Variants in FDFT1 observed in about 807,000 individuals in gnomAD.
FDFT1 encodes squalene synthase.
A neutral mutation model predicts 46.8 loss-of-function variants in FDFT1; 68 were observed. That is an observed-to-expected ratio of 1.45 (90% CI 1.19 to 1.78). The LOEUF (loss-of-function observed/expected upper bound fraction) is 1.78, where lower values mean the gene tolerates loss of function less well. FDFT1 is among the 40% of genes most tolerant of loss of function. FDFT1 has a pLI of 0.00. For missense variants in FDFT1, 928 were observed against 524.4 expected (o/e 1.77, Z -7.52); for synonymous variants, 351 against 185.1 (o/e 1.90, Z -7.28).
At chr8:11,807,462 C>G (rs963498160) in intron 1 of FDFT1, among the ~76,000 whole-genome samples, 3 of 152,206 alleles carry the variant, frequency 2.0e-5, no homozygotes, top group African/African-American at 7.2e-5. Flanking sequence ...TGCACCCGGC[C>G]CTGTTGGATA....
chr8:11,821,055 C>G (rs74757243), intron 3 of FDFT1, among the ~76,000 whole-genome samples: 2,890 of 152,292 alleles, frequency 0.019, 43 homozygotes, highest in Middle Eastern at 0.048. Context: ...TCCCCAGTGC[C>G]TAGAATGATA....
intron 7 of FDFT1, among the ~76,000 whole-genome samples, chr8:11,832,092 A>T (rs2130881502): frequency 6.6e-6 from 1 of 152,308 alleles, no homozygotes; most frequent in South Asian, 2.1e-4. Context: ...ATTATGCCAC[A>T]GGCCTCAATT....
upstream of FDFT1, chr8:11,802,629 C>T: frequency 1.7e-6 from 1 of 594,426 alleles, no homozygotes; most frequent in Non-Finnish European, 3.0e-6. Flanking sequence ...CCCGTCAGCC[C>T]ACCCCACGAG....
At chr8:11,827,098 TG>T in intron 5 of FDFT1, among the ~76,000 whole-genome samples, 1 of 152,238 alleles carries the variant, frequency 6.6e-6, no homozygotes, top group Non-Finnish European at 1.5e-5. Context: ...GAAAATTTTA[TG>T]ACTGTTCCCT....
intron 1 of FDFT1, among the ~76,000 whole-genome samples, chr8:11,805,932 C>A (rs1203401064): frequency 6.6e-6 from 1 of 152,170 alleles, no homozygotes; most frequent in Non-Finnish European, 1.5e-5. Flanking sequence ...GTGATGTCCG[C>A]ATTGTGCTTG....
At chr8:11,831,020 T>C (rs950616200) in intron 6 of FDFT1, among the ~76,000 whole-genome samples, 8 of 152,244 alleles carry the variant, frequency 5.3e-5, no homozygotes, top group East Asian at 3.8e-4. Flanking sequence ...CGCCGTCTTA[T>C]GTTTCCATTT....
intron 3 of FDFT1, among the ~76,000 whole-genome samples, chr8:11,818,694 T>C (rs1233124721): frequency 6.6e-6 from 1 of 152,198 alleles, no homozygotes. Flanking sequence ...CCCTGCTTTT[T>C]TTTTTCGCTT....
chr8:11,838,040 G>T (rs901068000), intron 7 of FDFT1, among the ~76,000 whole-genome samples: 11 of 152,304 alleles, frequency 7.2e-5, no homozygotes, highest in Middle Eastern at 3.4e-3. Flanking sequence ...ATGTTAGTCT[G>T]TGCCTGTCTA....
At chr8:11,802,626 G>T (rs927376435), upstream of FDFT1, 6 of 593,816 alleles carry the variant, frequency 1.0e-5, no homozygotes, top group Non-Finnish European at 1.8e-5. Flanking sequence ...GCGCCCGTCA[G>T]CCCACCCCAC....
upstream of FDFT1, among the ~76,000 whole-genome samples, chr8:11,800,378 T>C (rs139008825): frequency 3.0e-3 from 444 of 148,786 alleles, 3 homozygotes; most frequent in African/African-American, 0.01. Flanking sequence ...CATGGGAGTA[T>C]ACCAAACAAA....
intron 1 of FDFT1, chr8:11,808,250 C>A (rs905261072): frequency 2.7e-5 from 32 of 1,205,340 alleles, no homozygotes; most frequent in African/African-American, 3.1e-5. Flanking sequence ...TAGGGAGACT[C>A]TGTCACTGGG....
chr8:11,830,043 T>C (rs187975687), intron 5 of FDFT1, among the ~76,000 whole-genome samples: 95 of 152,272 alleles, frequency 6.2e-4, no homozygotes, highest in African/African-American at 2.3e-3. Flanking sequence ...ACACAGGGTT[T>C]CACCACCTTG....
In FDFT1 at chr8:11,814,628, T is replaced by G. The variant is rs926017226; in HGVS notation, c.381+4778T>G. Among the ~76,000 whole-genome samples, 4 of 152,226 alleles carry G rather than the reference T, an allele frequency of 2.6e-5. No homozygotes were observed. The East Asian group carries it at 7.7e-4, about 29-fold the overall frequency. Reference sequence around the variant, plus strand: ...TTCTTTGAACTTAAAACAAGATATTTGGGCAGTAACAATAAATTTTAAAAA... The same window carrying G: ...TTCTTTGAACTTAAAACAAGATATTGGGGCAGTAACAATAAATTTTAAAAA... On this transcript the variant is annotated intron_variant, in intron 3 of 7. Coordinates refer to ENST00000220584, the MANE Select transcript of FDFT1 (RefSeq NM_004462.5).
In FDFT1 at chr8:11,805,478, T is replaced by C. The variant is rs116396564; in HGVS notation, c.99+2547T>C. On this transcript the variant is annotated intron_variant, in intron 1 of 7. Transcript: ENST00000220584. ...CTCCTGTCCAATCTAAATCCTGTTA[T>C]TTAGACTAATATCTTAAGTCTGTTA... 3.3e-5 allele frequency among the ~76,000 whole-genome samples: 5 copies of C among 152,342 alleles called. No homozygotes were observed. The East Asian group carries it at 7.7e-4, about 23-fold the overall frequency.
chr8:11,806,259 A>G (rs145896022), intron 1 of FDFT1, among the ~76,000 whole-genome samples: 22 of 152,234 alleles, frequency 1.4e-4, no homozygotes, highest in South Asian at 4.1e-4. Flanking sequence ...TCAGACTGCA[A>G]TAGATAAACC....
intron 3 of FDFT1, among the ~76,000 whole-genome samples, chr8:11,813,028 A>T (rs1029805294): frequency 6.9e-6 from 1 of 144,832 alleles, no homozygotes; most frequent in Non-Finnish European, 1.5e-5. Context: ...TCTGTGGTAC[A>T]GGCCATTGCT....
intron 7 of FDFT1, among the ~76,000 whole-genome samples, chr8:11,838,142 C>G (rs1049598057): frequency 1.3e-5 from 2 of 152,196 alleles, no homozygotes; most frequent in Non-Finnish European, 2.9e-5. Flanking sequence ...TCGAGGGCCT[C>G]TGGGTGCAGT....
intron 1 of FDFT1, among the ~76,000 whole-genome samples, chr8:11,806,992 G>C (rs1746137206): frequency 6.7e-6 from 1 of 149,204 alleles, no homozygotes; most frequent in Non-Finnish European, 1.5e-5. Flanking sequence ...TGACCCTTTT[G>C]GCAAAATACG....
At chr8:11,809,011 C>T (rs1387923573) in intron 2 of FDFT1, 120 bp downstream of exon 2, 1 of 1,447,806 alleles carries the variant, frequency 6.9e-7, no homozygotes, top group African/African-American at 1.4e-5. Flanking sequence ...GTGGCTTATC[C>T]AGAACATAGC....
Sources: gnomAD v4.1 joint callset for allele counts (sites outside exome capture counted in the v4.1 genomes callset) on GRCh38, gnomAD v4.1.1 for gene constraint, MANE v1.5 for transcripts, NCBI Gene and HGNC (gene_info 2026-07-23, HGNC 2026-07-21) for gene names.